HDAC9: variants seen among roughly 807,000 people sequenced by gnomAD.
HDAC9 encodes the protein histone deacetylase 9.
HDAC9 carries 41 observed loss-of-function variants against 139.4 expected under a neutral mutation model. The ratio of observed to expected loss-of-function variants is 0.29; its 90% CI spans 0.23 to 0.38. The LOEUF is 0.38. Among genes scored for constraint, HDAC9 ranks in the 10% least tolerant of loss-of-function variants. HDAC9 has a pLI of 1.00. For synonymous variants in HDAC9, 517 were observed against 476.2 expected (o/e 1.09, Z -1.12); for missense variants, 1,147 against 1,297.0 (o/e 0.88, Z 1.78).
At chr7:18,745,323 A>G (rs1055461980) in intron 13 of HDAC9, among the ~76,000 whole-genome samples, 2 of 152,134 alleles carry the variant, frequency 1.3e-5, no homozygotes, top group African/African-American at 2.4e-5. Context: ...ATGGCCTTCC[A>G]AGAGCCCCTG....
chr7:18,436,027 A>G (rs967529845), intron 1 of HDAC9, among the ~76,000 whole-genome samples: 4 of 151,604 alleles, frequency 2.6e-5, no homozygotes, highest in East Asian at 1.9e-4. Flanking sequence ...TATGTTGCCC[A>G]GGCTGGTCTG....
intron 17 of HDAC9, among the ~76,000 whole-genome samples, chr7:18,824,778 A>G (rs1795286085): frequency 6.6e-6 from 1 of 152,218 alleles, no homozygotes; most frequent in African/African-American, 2.4e-5. Flanking sequence ...AGCACTCACA[A>G]AGTGAGCTCT....
intron 3 of HDAC9, 58 bp downstream of exon 3, chr7:18,585,580 G>C: frequency 6.3e-7 from 1 of 1,583,862 alleles, no homozygotes. Context: ...TGGTGGGCAT[G>C]AACAGTGCCC....
chr7:18,507,348 G>A (rs1327453888), intron 2 of HDAC9, among the ~76,000 whole-genome samples: 7 of 150,846 alleles, frequency 4.6e-5, no homozygotes, highest in Non-Finnish European at 1.5e-5. Flanking sequence ...CCGCCACCAC[G>A]CCCGGCTAGT....
At chr7:18,716,445 A>G (rs1784706897) in intron 12 of HDAC9, among the ~76,000 whole-genome samples, 1 of 152,112 alleles carries the variant, frequency 6.6e-6, no homozygotes, top group Admixed American at 6.5e-5. Flanking sequence ...TTTCTTTTGT[A>G]TTTTGTACTG....
intron 2 of HDAC9, among the ~76,000 whole-genome samples, chr7:18,206,352 A>G (rs1478834923): frequency 1.3e-5 from 2 of 152,252 alleles, no homozygotes; most frequent in African/African-American, 2.4e-5. Flanking sequence ...ATTAAAATAT[A>G]GAATAAAGTT....
At chr7:18,621,479 A>G (rs1840191671) in intron 6 of HDAC9, among the ~76,000 whole-genome samples, 1 of 152,152 alleles carries the variant, frequency 6.6e-6, no homozygotes, top group Non-Finnish European at 1.5e-5. Flanking sequence ...ACAAGTAGAC[A>G]AAATTGGTAT....
intron 2 of HDAC9, among the ~76,000 whole-genome samples, chr7:18,511,004 A>G (rs187044216): frequency 1.1e-4 from 17 of 152,346 alleles, no homozygotes; most frequent in Admixed American, 5.2e-4. Context: ...GAAAGGAGTT[A>G]GATAATAAAA....
chr7:18,574,098 G>A (rs189879484), intron 2 of HDAC9, among the ~76,000 whole-genome samples: 1 of 152,268 alleles, frequency 6.6e-6, no homozygotes. Context: ...CAGTTCTCAA[G>A]AGACCCAAAG....
intron 2 of HDAC9, among the ~76,000 whole-genome samples, chr7:18,280,947 G>T (rs1251086777): frequency 6.6e-6 from 1 of 152,048 alleles, no homozygotes; most frequent in African/African-American, 2.4e-5. Context: ...ATCTTTTCCA[G>T]TTTCTCAGAA....
At position 18,318,303 on chromosome 7, in the gene HDAC9, T is replaced by C. The variant is rs183879901; in HGVS notation, c.-42+27788T>C. Among the ~76,000 whole-genome samples, 744 of 152,332 alleles carry C rather than the reference T, an allele frequency of 4.9e-3. 4 individuals carry two copies. Among genetic ancestry groups the C allele is most frequent in the Non-Finnish European group, 7.2e-3 (488 of 68,018 alleles). On this transcript the variant is annotated intron_variant, in intron 1 of 3. Transcript: ENST00000413509. ...ATGTTTTAATTCAATACAAAAATGC[T>C]ACATAAACATCTGCCTTTTTAAAAA...
intron 11 of HDAC9, among the ~76,000 whole-genome samples, chr7:18,659,737 C>A (rs1384548572): frequency 6.6e-6 from 1 of 152,176 alleles, no homozygotes; most frequent in Admixed American, 6.5e-5. Context: ...AGTAACTCAC[C>A]TGGTGTCAGA....
At chr7:18,285,734 T>A (rs1242125195), upstream of HDAC9, among the ~76,000 whole-genome samples, 2 of 152,136 alleles carry the variant, frequency 1.3e-5, no homozygotes, top group African/African-American at 4.8e-5. Context: ...ACAGGCACAC[T>A]GGAATGCTCC....
intron 12 of HDAC9, among the ~76,000 whole-genome samples, chr7:18,680,349 A>G (rs1781808751): frequency 6.6e-6 from 1 of 151,938 alleles, no homozygotes; most frequent in Non-Finnish European, 1.5e-5. Flanking sequence ...TGAGCAATAG[A>G]TTTTATTTTA....
intron 1 of HDAC9, among the ~76,000 whole-genome samples, chr7:18,434,094 A>G (rs1046896035): frequency 1.3e-5 from 2 of 152,116 alleles, no homozygotes; most frequent in African/African-American, 4.8e-5. Context: ...AGAATAGAGA[A>G]CCCAGAAATA....
At chr7:18,453,125 C>T (rs1035303507) in intron 1 of HDAC9, among the ~76,000 whole-genome samples, 2 of 152,058 alleles carry the variant, frequency 1.3e-5, no homozygotes, top group Non-Finnish European at 2.9e-5. Flanking sequence ...AGGAACTTCT[C>T]TAATTGTGTA....
At chr7:18,599,741 C>G (rs938599087) in intron 6 of HDAC9, among the ~76,000 whole-genome samples, 5 of 152,104 alleles carry the variant, frequency 3.3e-5, no homozygotes, top group African/African-American at 1.2e-4. Context: ...GAATAAGCTG[C>G]TATAAGCATT....
intron 2 of HDAC9, among the ~76,000 whole-genome samples, chr7:18,201,087 G>GAA (rs1791083951): frequency 6.6e-6 from 1 of 152,134 alleles, no homozygotes; most frequent in Non-Finnish European, 1.5e-5. Context: ...GGAAGCTACG[G>GAA]CACTGTTAGG....
At chr7:18,339,064 C>G (rs1475770609) in intron 1 of HDAC9, among the ~76,000 whole-genome samples, 1 of 151,386 alleles carries the variant, frequency 6.6e-6, no homozygotes, top group Non-Finnish European at 1.5e-5. Flanking sequence ...TGGTAATATT[C>G]TCTTATTATG....
Sources: gnomAD v4.1 joint callset for allele counts (sites outside exome capture counted in the v4.1 genomes callset) on GRCh38, gnomAD v4.1.1 for gene constraint, MANE v1.5 for transcripts, NCBI Gene and HGNC (gene_info 2026-07-23, HGNC 2026-07-21) for gene names.